The following IMMP2L variants were observed in gnomAD, a reference collection of about 807,000 sequenced individuals.
The protein encoded by IMMP2L is mitochondrial inner membrane protease subunit 2.
IMMP2L carries 18 observed loss-of-function variants against 19.3 expected under a neutral mutation model. The ratio of observed to expected loss-of-function variants is 0.93; its 90% CI spans 0.64 to 1.38. The LOEUF (loss-of-function observed/expected upper bound fraction) is 1.38. Ranked by LOEUF, IMMP2L falls within the 40% of genes most tolerant of loss-of-function variation. IMMP2L has a pLI of 0.00. For synonymous variants in IMMP2L, 76 were observed against 73.0 expected (o/e 1.04, Z -0.21); for missense variants, 233 against 218.2 (o/e 1.07, Z -0.43).
intron 5 of IMMP2L, among the ~76,000 whole-genome samples, chr7:110,764,536 T>C (rs1464450865): frequency 6.6e-6 from 1 of 152,110 alleles, no homozygotes; most frequent in Non-Finnish European, 1.5e-5. Context: ...AACTCACTGG[T>C]ATTAAGAATT....
chr7:110,826,387 CAT>C (rs1803490279), intron 5 of IMMP2L, among the ~76,000 whole-genome samples: 3 of 152,240 alleles, frequency 2.0e-5, no homozygotes, highest in Admixed American at 2.0e-4. Context: ...CACATGCACA[CAT>C]ATGTTTGTTG....
chr7:111,175,381 T>C (rs1806928774), intron 3 of IMMP2L, among the ~76,000 whole-genome samples: 2 of 151,874 alleles, frequency 1.3e-5, no homozygotes, highest in African/African-American at 2.4e-5. Context: ...TAATACAATA[T>C]GTACACTTTT....
intron 3 of IMMP2L, among the ~76,000 whole-genome samples, chr7:111,341,899 G>A (rs762715518): frequency 3.9e-5 from 6 of 152,006 alleles, no homozygotes; most frequent in Non-Finnish European, 5.9e-5. Context: ...ACCCTCTTTT[G>A]ACTTCTTTTT....
At chr7:110,909,692 TTG>T (rs1235413386) in intron 4 of IMMP2L, among the ~76,000 whole-genome samples, 1 of 152,118 alleles carries the variant, frequency 6.6e-6, no homozygotes, top group African/African-American at 2.4e-5. Context: ...CCCTCTTGAG[TTG>T]AGCACCTCCC....
At chr7:111,124,318 T>A in intron 3 of IMMP2L, 2 of 1,613,828 alleles carry the variant, frequency 1.2e-6, no homozygotes, top group Non-Finnish European at 1.7e-6. Context: ...AGTGGATGGA[T>A]CTTTTCCACA....
intron 3 of IMMP2L, among the ~76,000 whole-genome samples, chr7:111,133,439 C>A (rs1365131180): frequency 6.6e-6 from 1 of 151,850 alleles, no homozygotes; most frequent in Non-Finnish European, 1.5e-5. Context: ...TTAGGGATGG[C>A]ATGAAGATAC....
intron 3 of IMMP2L, among the ~76,000 whole-genome samples, chr7:111,437,217 G>A (rs746482297): frequency 6.6e-6 from 1 of 151,746 alleles, no homozygotes; most frequent in Non-Finnish European, 1.5e-5. Context: ...AGGCCAAGGC[G>A]GGTGGATCAC....
At chr7:111,255,361 A>C (rs1477797549) in intron 3 of IMMP2L, among the ~76,000 whole-genome samples, 2 of 152,144 alleles carry the variant, frequency 1.3e-5, no homozygotes, top group African/African-American at 4.8e-5. Context: ...AAAATATGTG[A>C]AACAAAAGAA....
chr7:111,378,646 T>C (rs139127467), intron 3 of IMMP2L, among the ~76,000 whole-genome samples: 270 of 152,106 alleles, frequency 1.8e-3, no homozygotes, highest in African/African-American at 5.4e-3. Flanking sequence ...ATTATTTTAA[T>C]GACTAAACAG....
chr7:110,921,120 G>A (rs1237636286), intron 4 of IMMP2L, among the ~76,000 whole-genome samples: 2 of 152,262 alleles, frequency 1.3e-5, no homozygotes, highest in East Asian at 1.9e-4. Flanking sequence ...TTTATGTTTT[G>A]AAGCATTTAA....
chr7:110,730,962 C>A (rs1341014277), intron 5 of IMMP2L, among the ~76,000 whole-genome samples: 1 of 152,134 alleles, frequency 6.6e-6, no homozygotes, highest in African/African-American at 2.4e-5. Context: ...TCCAGAGAAC[C>A]CTGACTAATA....
intron 3 of IMMP2L, among the ~76,000 whole-genome samples, chr7:111,474,509 C>CT (rs527619394): frequency 4.3e-4 from 63 of 147,044 alleles, no homozygotes; most frequent in South Asian, 8.7e-4. Context: ...CAGTTTTCCG[C>CT]TTTTTTTTTT....
chr7:110,963,197 A>C, intron 4 of IMMP2L: 1 of 824,056 alleles, frequency 1.2e-6, no homozygotes. Flanking sequence ...TAATCTTAAA[A>C]TAGTCATGCT....
Position 111,298,536 on chromosome 7 carries a change from G to GGTC in IMMP2L, c.239+188699_239+188701dup, listed in dbSNP as rs1485650880. ...AGACTGAAGTGGGTGGATCACCTAA[G>GGTC]GTCAGGAGTTCAAGACCAGGCTGGC... is the stretch of plus-strand genomic sequence containing the variant. On this transcript the variant is annotated intron_variant, in intron 3 of 5. Transcript: ENST00000405709. 3.3e-5 allele frequency among the ~76,000 whole-genome samples: 5 copies of GGTC among 152,056 alleles called. No homozygotes were observed. The East Asian group carries it at 9.6e-4, about 29-fold the overall frequency.
At chr7:111,360,750 C>CAA (rs1187878562) in intron 3 of IMMP2L, among the ~76,000 whole-genome samples, 3 of 152,014 alleles carry the variant, frequency 2.0e-5, no homozygotes, top group African/African-American at 7.2e-5. Context: ...CCCAGGAAGT[C>CAA]AAGGCTGCAG....
chr7:111,115,049 G>A (rs1799711069), intron 3 of IMMP2L, among the ~76,000 whole-genome samples: 1 of 152,122 alleles, frequency 6.6e-6, no homozygotes, highest in Non-Finnish European at 1.5e-5. Flanking sequence ...TTCAATCTAA[G>A]ATGAGTGAAT....
At chr7:111,144,050 A>G (rs1351445333) in intron 3 of IMMP2L, among the ~76,000 whole-genome samples, 2 of 152,192 alleles carry the variant, frequency 1.3e-5, no homozygotes, top group Non-Finnish European at 2.9e-5. Context: ...TTCTGGACTA[A>G]CAAAATCTCT....
chr7:110,676,175 T>C (rs12705717), intron 5 of IMMP2L, among the ~76,000 whole-genome samples: 32,806 of 152,220 alleles, frequency 0.22, 4,211 homozygotes, highest in Middle Eastern at 0.32. Context: ...TCTGTGATGT[T>C]ATGTAATAAT....
At chr7:110,752,938 G>T (rs1168570693) in intron 5 of IMMP2L, among the ~76,000 whole-genome samples, 1 of 151,932 alleles carries the variant, frequency 6.6e-6, no homozygotes, top group Non-Finnish European at 1.5e-5. Flanking sequence ...TACAAGAAGA[G>T]GTTAAGTAGA....
Sources: gnomAD v4.1 joint callset for allele counts (sites outside exome capture counted in the v4.1 genomes callset) on GRCh38, gnomAD v4.1.1 for gene constraint, MANE v1.5 for transcripts, NCBI Gene and HGNC (gene_info 2026-07-23, HGNC 2026-07-21) for gene names.